Variants in MACROD2 observed in about 807,000 individuals in gnomAD.
MACROD2 encodes the protein mono-ADP ribosylhydrolase 2.
In MACROD2, 36 loss-of-function variants were observed where a neutral mutation model predicts 70.4. That is an observed-to-expected ratio of 0.51 (90% CI 0.39 to 0.68). MACROD2 has a LOEUF of 0.68. Ranked by LOEUF, MACROD2 falls within the 30% of genes least tolerant of loss-of-function variation. MACROD2 has a pLI of 0.00. For synonymous variants in MACROD2, 172 were observed against 178.8 expected (o/e 0.96, Z 0.30); for missense variants, 496 against 538.4 (o/e 0.92, Z 0.78).
chr20:15,151,322 G>A (rs370370161), intron 5 of MACROD2, among the ~76,000 whole-genome samples: 2 of 152,086 alleles, frequency 1.3e-5, no homozygotes, highest in African/African-American at 4.8e-5. Flanking sequence ...GGTTCTGGAG[G>A]AATGCCTGGC....
At chr20:14,389,610 C>T (rs1367855655) in intron 3 of MACROD2, among the ~76,000 whole-genome samples, 1 of 152,002 alleles carries the variant, frequency 6.6e-6, no homozygotes, top group South Asian at 2.1e-4. Flanking sequence ...GCAGGGGCAA[C>T]GGGAGCTGGC....
At chr20:15,876,132 C>A (rs2064669605) in intron 9 of MACROD2, among the ~76,000 whole-genome samples, 1 of 54,418 alleles carries the variant, frequency 1.8e-5, no homozygotes, top group African/African-American at 7.7e-5. Context: ...TTTTTTATTA[C>A]ACTGTAAGTT....
intron 4 of MACROD2, among the ~76,000 whole-genome samples, chr20:14,615,766 A>G (rs1983442512): frequency 1.3e-5 from 2 of 152,158 alleles, no homozygotes; most frequent in Admixed American, 1.3e-4. Flanking sequence ...CAGGAAGATT[A>G]GGTAACAAGC....
chr20:15,035,519 T>G (rs1169227629), intron 5 of MACROD2, among the ~76,000 whole-genome samples: 1 of 152,204 alleles, frequency 6.6e-6, no homozygotes, highest in Admixed American at 6.5e-5. Flanking sequence ...AAATTTGATC[T>G]TATCTCAAGC....
intron 3 of MACROD2, among the ~76,000 whole-genome samples, chr20:14,178,233 A>G (rs941194487): frequency 3.9e-5 from 6 of 152,214 alleles, no homozygotes; most frequent in African/African-American, 1.4e-4. Context: ...TGATAAATGC[A>G]TGAGGTGATG....
At chr20:14,022,916 T>C (rs2053108374) in intron 2 of MACROD2, among the ~76,000 whole-genome samples, 1 of 152,252 alleles carries the variant, frequency 6.6e-6, no homozygotes, top group African/African-American at 2.4e-5. Context: ...TGTGTCTTTA[T>C]AGTAGAATGA....
At chr20:14,358,794 A>G (rs1363676703) in intron 3 of MACROD2, among the ~76,000 whole-genome samples, 2 of 152,166 alleles carry the variant, frequency 1.3e-5, no homozygotes, top group Admixed American at 6.5e-5. Flanking sequence ...TGGTTAAGAA[A>G]CTTGCCCAAG....
chr20:15,367,189 G>A (rs371934996), intron 6 of MACROD2, among the ~76,000 whole-genome samples: 3 of 151,776 alleles, frequency 2.0e-5, no homozygotes, highest in South Asian at 2.1e-4. Flanking sequence ...CACCATGCCC[G>A]GCTAATTTTT....
intron 6 of MACROD2, among the ~76,000 whole-genome samples, chr20:15,383,116 G>T (rs910261093): frequency 6.6e-6 from 1 of 152,170 alleles, no homozygotes; most frequent in Non-Finnish European, 1.5e-5. Context: ...TGAAGAAAAA[G>T]CTTCTCATTC....
At chr20:15,076,739 A>G (rs1298460610) in intron 5 of MACROD2, among the ~76,000 whole-genome samples, 1 of 152,046 alleles carries the variant, frequency 6.6e-6, no homozygotes, top group Non-Finnish European at 1.5e-5. Context: ...TTCTTCTTTT[A>G]TTTATTTCTA....
At chr20:15,956,760 TGCTAGCAAG>T (rs2065982854) in intron 12 of MACROD2, among the ~76,000 whole-genome samples, 2 of 152,284 alleles carry the variant, frequency 1.3e-5, no homozygotes, top group South Asian at 4.1e-4. Flanking sequence ...ACAGTCTGTA[TGCTAGCAAG>T]CCCTTCCAGG....
At chr20:14,013,296 G>A (rs1411595087) in intron 2 of MACROD2, among the ~76,000 whole-genome samples, 3 of 135,170 alleles carry the variant, frequency 2.2e-5, no homozygotes, top group Non-Finnish European at 4.7e-5. Flanking sequence ...TTTTTGAGAC[G>A]AAGTCTCTCT....
At chr20:14,716,635 G>A (rs1270163840) in intron 5 of MACROD2, among the ~76,000 whole-genome samples, 1 of 152,126 alleles carries the variant, frequency 6.6e-6, no homozygotes, top group Non-Finnish European at 1.5e-5. Flanking sequence ...GACTTGCAGA[G>A]AATCCATCTA....
At chr20:15,535,834 A>G (rs375686107) in intron 8 of MACROD2, among the ~76,000 whole-genome samples, 3 of 152,226 alleles carry the variant, frequency 2.0e-5, no homozygotes, top group East Asian at 3.8e-4. Context: ...ATTGGCAACC[A>G]GAAAAATAGG....
chr20:15,247,248 G>A (rs1353699824), intron 6 of MACROD2, among the ~76,000 whole-genome samples: 1 of 152,178 alleles, frequency 6.6e-6, no homozygotes, highest in African/African-American at 2.4e-5. Context: ...CTGGAGGATT[G>A]TTGTAGGAAT....
intron 10 of MACROD2, among the ~76,000 whole-genome samples, chr20:15,912,450 C>T (rs113579216): frequency 6.6e-6 from 1 of 152,014 alleles, no homozygotes; most frequent in East Asian, 1.9e-4. Flanking sequence ...AAAATAGATA[C>T]CTGAAGTAAT....
intron 5 of MACROD2, among the ~76,000 whole-genome samples, chr20:14,720,315 C>G (rs2071449495): frequency 6.6e-6 from 1 of 151,976 alleles, no homozygotes; most frequent in African/African-American, 2.4e-5. Context: ...TTAAAGGAAG[C>G]AGGTAAACTA....
intron 5 of MACROD2, among the ~76,000 whole-genome samples, chr20:15,124,247 A>G (rs2076050472): frequency 6.6e-6 from 1 of 152,102 alleles, no homozygotes; most frequent in Admixed American, 6.5e-5. Flanking sequence ...AATTTTAAAA[A>G]TGTTGGAGTG....
intron 5 of MACROD2, among the ~76,000 whole-genome samples, chr20:15,060,587 G>T (rs186893734): frequency 6.6e-6 from 1 of 151,980 alleles, no homozygotes; most frequent in African/African-American, 2.4e-5. Context: ...TTCCCCCAGC[G>T]CCTTCATTTC....
Sources: gnomAD v4.1 joint callset for allele counts (sites outside exome capture counted in the v4.1 genomes callset) on GRCh38, gnomAD v4.1.1 for gene constraint, MANE v1.5 for transcripts, NCBI Gene and HGNC (gene_info 2026-07-23, HGNC 2026-07-21) for gene names.